The following SLC9C1 variants were observed in gnomAD, a reference collection of about 807,000 sequenced individuals.
SLC9C1 encodes the protein solute carrier family 9 member C1.
Under a neutral mutation model 140.9 loss-of-function variants are expected in SLC9C1, and 97 were observed. That is an observed-to-expected ratio of 0.69 (90% CI 0.58 to 0.82). The LOEUF (loss-of-function observed/expected upper bound fraction) is 0.82, where lower values mean the gene tolerates loss of function less well. SLC9C1 is among the 40% of genes least tolerant of loss of function. The pLI, the probability that SLC9C1 is intolerant of heterozygous loss-of-function variation, is 0.00. For synonymous variants in SLC9C1, 440 were observed against 442.6 expected (o/e 0.99, Z 0.07); for missense variants, 1,340 against 1,389.3 (o/e 0.96, Z 0.56).
At position 112,231,410 on chromosome 3, in the gene SLC9C1, T is replaced by C. The variant is rs1311818870; in HGVS notation, c.1523A>G (p.Asn508Ser). 2 of 1,613,338 alleles carry C rather than the reference T, an allele frequency of 1.2e-6. No individual in the cohort carries two copies. The highest frequency in any genetic ancestry group is 4.5e-5 in the East Asian group (2 of 44,856). ...HCNKEIDEIF[N>S]TEAMELANRR... ...GTTGGCCAGCTCCATTGCTTCAGTG[T>C]TAAAGATCTCATCTATTTCCTTGTT... The change falls in exon 13 of 29, where the codon AAC (asparagine) becomes AGC (serine). Residue 508 changes from asparagine (N) to serine (S), a missense_variant. By Grantham distance (46) the Asn-to-Ser change is conservative. Transcript: ENST00000305815.
At chr3:112,189,194 A>C (rs943905074) in intron 20 of SLC9C1, among the ~76,000 whole-genome samples, 1 of 152,104 alleles carries the variant, frequency 6.6e-6, no homozygotes, top group African/African-American at 2.4e-5. Context: ...GTTCACTCTG[A>C]TGGTAGTTTC....
rs984717623 is a variant in SLC9C1 at position 112,288,134 on chromosome 3, G to A, written c.-87-1256C>T. 3.9e-4 allele frequency among the ~76,000 whole-genome samples: 57 copies of A among 146,582 alleles called. 1 individual carries two copies. The highest frequency in any genetic ancestry group is 1.2e-3 in the Admixed American group (18 of 14,658). On this transcript the variant is annotated intron_variant, in intron 1 of 28. Coordinates refer to ENST00000305815, the MANE Select transcript of SLC9C1 (RefSeq NM_183061.3). ...TTTTTTTTCAGTTTCATACACACAC[G>A]CACACACACACATCATATATACATA...
chr3:112,180,188 A>G (rs1400879068), intron 22 of SLC9C1, among the ~76,000 whole-genome samples: 1 of 152,206 alleles, frequency 6.6e-6, no homozygotes, highest in East Asian at 1.9e-4. Context: ...AATTTCATAA[A>G]GTTTTCTTTA....
chr3:112,264,188 T>C lies in SLC9C1; in HGVS notation c.1022+12A>G. The C allele has an allele frequency of 9.3e-7, 1 of 1,075,302 alleles. No homozygotes were observed. Among genetic ancestry groups the C allele is most frequent in the Non-Finnish European group, 1.2e-6 (1 of 818,970 alleles). 66.6% of individuals were successfully genotyped at this position (1,075,302 alleles called of 1,614,324 possible). The stretch of plus-strand genomic sequence containing the variant: ...TTATCTATAAATAGAAAAATTTTAA[T>C]GATGTTCTTACCTTAAAACAATCAA... On this transcript the variant is annotated intron_variant, in intron 9 of 28. Transcript: ENST00000305815.
At chr3:112,288,489 GC>G (rs2080584434) in intron 1 of SLC9C1, among the ~76,000 whole-genome samples, 1 of 152,180 alleles carries the variant, frequency 6.6e-6, no homozygotes, top group Admixed American at 6.5e-5. Context: ...TGGCATACTG[GC>G]CCATGCCTAT....
intron 10 of SLC9C1, among the ~76,000 whole-genome samples, chr3:112,257,210 G>T (rs1265060511): frequency 6.6e-6 from 1 of 151,970 alleles, no homozygotes; most frequent in African/African-American, 2.4e-5. Flanking sequence ...TTTAAAATTC[G>T]TATGGAACCA....
At chr3:112,220,105 A>G (rs1311229065) in intron 14 of SLC9C1, among the ~76,000 whole-genome samples, 2 of 152,170 alleles carry the variant, frequency 1.3e-5, no homozygotes, top group African/African-American at 2.4e-5. Flanking sequence ...CCCTGGTACC[A>G]TAGATGAAAA....
At chr3:112,243,364 C>A (rs2079189114) in intron 11 of SLC9C1, among the ~76,000 whole-genome samples, 2 of 152,148 alleles carry the variant, frequency 1.3e-5, no homozygotes, top group African/African-American at 4.8e-5. Flanking sequence ...CCCTTTGCCG[C>A]AACATGGATA....
intron 14 of SLC9C1, among the ~76,000 whole-genome samples, chr3:112,217,888 C>T (rs2078428485): frequency 6.6e-6 from 1 of 152,150 alleles, no homozygotes; most frequent in South Asian, 2.1e-4. Context: ...TCCCCATTGT[C>T]TGGTATGGCA....
At chr3:112,254,444 T>C (rs1282696436) in intron 10 of SLC9C1, among the ~76,000 whole-genome samples, 1 of 152,142 alleles carries the variant, frequency 6.6e-6, no homozygotes, top group African/African-American at 2.4e-5. Context: ...TCAACATTCT[T>C]AGACAAAAAA....
intron 23 of SLC9C1, among the ~76,000 whole-genome samples, chr3:112,178,756 A>T (rs1479650066): frequency 6.6e-6 from 1 of 152,126 alleles, no homozygotes; most frequent in Non-Finnish European, 1.5e-5. Context: ...ATTAACATTC[A>T]CTTAGTAGTT....
At chr3:112,245,469 T>C (rs1039251614) in intron 10 of SLC9C1, among the ~76,000 whole-genome samples, 2 of 151,988 alleles carry the variant, frequency 1.3e-5, no homozygotes, top group African/African-American at 2.4e-5. Context: ...TTCAGCACCA[T>C]TTATTGAAAA....
At chr3:112,167,443 C>T in intron 25 of SLC9C1, 96 bp from the exon 26 acceptor site, 3 of 1,249,800 alleles carry the variant, frequency 2.4e-6, no homozygotes, top group Non-Finnish European at 3.2e-6. Flanking sequence ...CTCTAGGTAT[C>T]TGGGAAAAAT....
At chr3:112,238,692 G>C (rs996415522) in intron 12 of SLC9C1, among the ~76,000 whole-genome samples, 7 of 152,220 alleles carry the variant, frequency 4.6e-5, no homozygotes, top group African/African-American at 1.7e-4. Context: ...ACCCTCAGCT[G>C]CAAGTCTGCT....
At chr3:112,196,515 G>C (rs906559721) in intron 20 of SLC9C1, among the ~76,000 whole-genome samples, 1 of 151,708 alleles carries the variant, frequency 6.6e-6, no homozygotes, top group African/African-American at 2.4e-5. Context: ...AATATATATT[G>C]GTCTGCTTCA....
chr3:112,167,831 G>A (rs2077167383), intron 25 of SLC9C1, among the ~76,000 whole-genome samples: 1 of 152,150 alleles, frequency 6.6e-6, no homozygotes, highest in Non-Finnish European at 1.5e-5. Context: ...GAGTTTATCA[G>A]GCTTCAGGCT....
chr3:112,211,288 G>A (rs549098267), intron 15 of SLC9C1, among the ~76,000 whole-genome samples: 5,940 of 152,282 alleles, frequency 0.039, 188 homozygotes, highest in South Asian at 0.089. Context: ...GAGTGACACA[G>A]AAGACAGGTG....
chr3:112,187,026 T>C (rs924865813), intron 20 of SLC9C1, among the ~76,000 whole-genome samples: 2 of 152,228 alleles, frequency 1.3e-5, no homozygotes, highest in Non-Finnish European at 1.5e-5. Flanking sequence ...CCCTGCTTTC[T>C]AAGTTCAAAA....
chr3:112,188,614 T>C (rs540434525), intron 20 of SLC9C1, among the ~76,000 whole-genome samples: 8 of 152,336 alleles, frequency 5.3e-5, no homozygotes, highest in African/African-American at 1.9e-4. Context: ...ATGTGCCACA[T>C]TTTCTTAATC....
Sources: gnomAD v4.1 joint callset for allele counts (sites outside exome capture counted in the v4.1 genomes callset) on GRCh38, gnomAD v4.1.1 for gene constraint, MANE v1.5 for transcripts, NCBI Gene and HGNC (gene_info 2026-07-23, HGNC 2026-07-21) for gene names.